PARD3: variants seen among roughly 807,000 people sequenced by gnomAD.
PARD3 encodes partitioning defective 3 homolog.
A neutral mutation model predicts 155.4 loss-of-function variants in PARD3; 75 were observed. The ratio of observed to expected loss-of-function variants is 0.48; its 90% CI spans 0.40 to 0.58. The LOEUF (loss-of-function observed/expected upper bound fraction) is 0.58. Ranked by LOEUF, PARD3 falls within the 20% of genes least tolerant of loss-of-function variation. PARD3 has a pLI of 0.00. For synonymous variants in PARD3, 576 were observed against 610.5 expected, an observed-to-expected ratio of 0.94 and a Z score of 0.83; for missense variants, 1,642 against 1,721.7, an observed-to-expected ratio of 0.95 and a Z score of 0.82.
rs866700610 is a variant in PARD3 at position 34,385,575 on chromosome 10, C to T, written c.891-1321G>A. Among the ~76,000 whole-genome samples, 368 of 152,146 alleles carry T rather than the reference C, an allele frequency of 2.4e-3. 1 individual carries two copies. Among genetic ancestry groups the T allele is most frequent in the African/African-American group, 8.6e-3 (357 of 41,522 alleles). Reference sequence around the variant, plus strand: ...TACACAGGCACTAAAATTGAGAATCCAGTATAAATTAAAATTGAAGACACC... The same window carrying T: ...TACACAGGCACTAAAATTGAGAATCTAGTATAAATTAAAATTGAAGACACC... On this transcript the variant is annotated intron_variant, in intron 7 of 24. Coordinates refer to ENST00000374788, the MANE Select transcript of PARD3 (RefSeq NM_001184785.2).
intron 2 of PARD3, among the ~76,000 whole-genome samples, chr10:34,556,804 T>C (rs1011305381): frequency 6.6e-6 from 1 of 152,160 alleles, no homozygotes; most frequent in African/African-American, 2.4e-5. Flanking sequence ...ACAAACCGTT[T>C]CCTTTCCCCT....
intron 19 of PARD3, among the ~76,000 whole-genome samples, chr10:34,317,543 C>A (rs1003353401): frequency 6.6e-6 from 1 of 152,084 alleles, no homozygotes; most frequent in African/African-American, 2.4e-5. Context: ...AGATCGTGTG[C>A]CAAGTCAGTA....
chr10:34,772,530 G>A (rs1019809776), intron 1 of PARD3, among the ~76,000 whole-genome samples: 5 of 148,806 alleles, frequency 3.4e-5, no homozygotes, highest in African/African-American at 9.8e-5. Context: ...GGTGGCTCAC[G>A]CCTGTAATCC....
chr10:34,263,714 G>T (rs1276379168), intron 22 of PARD3, among the ~76,000 whole-genome samples: 6 of 152,166 alleles, frequency 3.9e-5, no homozygotes. Context: ...TCATTCTCTT[G>T]TACGTTACAC....
At chr10:34,708,831 C>A (rs1393842111) in intron 1 of PARD3, among the ~76,000 whole-genome samples, 1 of 152,010 alleles carries the variant, frequency 6.6e-6, no homozygotes, top group East Asian at 1.9e-4. Flanking sequence ...TAGAAGACAT[C>A]TTGGGAACAA....
At chr10:34,699,667 C>CA (rs1165394881) in intron 1 of PARD3, among the ~76,000 whole-genome samples, 3 of 152,128 alleles carry the variant, frequency 2.0e-5, no homozygotes, top group Non-Finnish European at 4.4e-5. Flanking sequence ...TGTAGCTGAG[C>CA]AAAAAATTGT....
At chr10:34,270,005 C>A (rs1396873297) in intron 21 of PARD3, 106 bp from the exon 22 acceptor site, 7 of 1,143,396 alleles carry the variant, frequency 6.1e-6, no homozygotes, top group Non-Finnish European at 7.4e-6. Flanking sequence ...TGATTTCTTG[C>A]AGCTATAGAA....
At chr10:34,286,367 G>A (rs1956389935) in intron 20 of PARD3, among the ~76,000 whole-genome samples, 1 of 150,552 alleles carries the variant, frequency 6.6e-6, no homozygotes, top group Non-Finnish European at 1.5e-5. Context: ...TAACGAATTA[G>A]CATATAACAA....
intron 22 of PARD3, among the ~76,000 whole-genome samples, chr10:34,168,225 A>G (rs1025225202): frequency 6.6e-6 from 1 of 152,192 alleles, no homozygotes; most frequent in African/African-American, 2.4e-5. Flanking sequence ...TTAATATATG[A>G]TAAACTACAC....
chr10:34,356,360 C>T (rs1044323525), intron 14 of PARD3, among the ~76,000 whole-genome samples: 2 of 152,038 alleles, frequency 1.3e-5, no homozygotes, highest in Non-Finnish European at 2.9e-5. Flanking sequence ...ATAGCAAGAC[C>T]GTGTCTCTAC....
At chr10:34,516,042 C>T (rs2081725915) in intron 3 of PARD3, among the ~76,000 whole-genome samples, 1 of 152,006 alleles carries the variant, frequency 6.6e-6, no homozygotes, top group African/African-American at 2.4e-5. Context: ...CTGCAACCTC[C>T]ATCTCCAACC....
Position 34,384,250 on chromosome 10 carries a change from G to A in PARD3, c.895C>T (p.Leu299=). 6.2e-7 allele frequency: 1 copy of A among 1,613,218 alleles called. No homozygotes were observed. The highest frequency in any genetic ancestry group is 2.2e-5 in the East Asian group (1 of 44,858). Residue 299 remains leucine, a synonymous_variant, in exon 8 of 25, where the codon CTG becomes TTG. Coordinates refer to ENST00000374788, the MANE Select transcript of PARD3 (RefSeq NM_001184785.2). Reference sequence around the variant, plus strand: ...TCCAATCGTTTTACTAATAACCCCAGGGTTCTGGAACATTAAGAATGCAAA... The same window carrying A: ...TCCAATCGTTTTACTAATAACCCCAAGGTTCTGGAACATTAAGAATGCAAA... ...VPFSARGGRT[L]GLLVKRLEKG...
chr10:34,630,290 T>C, intron 2 of PARD3, among the ~76,000 whole-genome samples: 1 of 152,182 alleles, frequency 6.6e-6, no homozygotes, highest in East Asian at 1.9e-4. Flanking sequence ...GTTTAAACAA[T>C]GGTCAAAACA....
chr10:34,343,672 A>C (rs1589243162), intron 15 of PARD3: 1 of 984,988 alleles, frequency 1.0e-6, no homozygotes, highest in East Asian at 1.1e-4. Flanking sequence ...ACTAAGCTGC[A>C]CCTAGACAAT....
intron 20 of PARD3, among the ~76,000 whole-genome samples, chr10:34,307,380 G>T (rs1219530969): frequency 6.6e-6 from 1 of 152,064 alleles, no homozygotes; most frequent in South Asian, 2.1e-4. Flanking sequence ...TGGGTATGGG[G>T]AACACAACCC....
intron 2 of PARD3, among the ~76,000 whole-genome samples, chr10:34,556,959 G>A (rs1156533709): frequency 6.6e-6 from 1 of 152,132 alleles, no homozygotes; most frequent in Non-Finnish European, 1.5e-5. Context: ...GCCAAGCCAG[G>A]TGAGATGTCC....
chr10:34,680,613 T>C (rs1303802229), intron 2 of PARD3, among the ~76,000 whole-genome samples: 1 of 148,976 alleles, frequency 6.7e-6, no homozygotes, highest in Non-Finnish European at 1.5e-5. Context: ...GGGGGAAAGA[T>C]AAAGAAAGAA....
intron 5 of PARD3, among the ~76,000 whole-genome samples, chr10:34,413,150 C>G (rs941936531): frequency 1.9e-4 from 17 of 91,332 alleles, no homozygotes; most frequent in Admixed American, 8.0e-4. Context: ...TATATACACA[C>G]ACACACACAC....
chr10:34,518,897 T>G lies in PARD3; in HGVS notation c.223-1738A>C, dbSNP rs1025077897. Among the ~76,000 whole-genome samples the G allele has an allele frequency of 2.6e-5, 4 of 152,320 alleles. No homozygotes were observed. The East Asian group carries it at 7.7e-4, about 29-fold the overall frequency. On this transcript the variant is annotated intron_variant, in intron 2 of 24. Transcript: ENST00000374788. ...AGTAATATTGTTGAAGTGGAGAAACTTGGCAGCCACTGCTGTACCCAGGTT... is the reference window on the plus strand; with the variant it reads ...AGTAATATTGTTGAAGTGGAGAAACGTGGCAGCCACTGCTGTACCCAGGTT...
Sources: gnomAD v4.1 joint callset for allele counts (sites outside exome capture counted in the v4.1 genomes callset) on GRCh38, gnomAD v4.1.1 for gene constraint, MANE v1.5 for transcripts, NCBI Gene and HGNC (gene_info 2026-07-23, HGNC 2026-07-21) for gene names.